Variants in NCAPG2 observed in about 807,000 individuals in gnomAD.
NCAPG2 encodes the protein condensin-2 complex subunit G2.
In NCAPG2, 53 loss-of-function variants were observed where a neutral mutation model predicts 141.1. The observed-to-expected ratio is 0.38, with a 90% CI of 0.30 to 0.47. NCAPG2 has a LOEUF of 0.47. NCAPG2 is among the 20% of genes least tolerant of loss of function. NCAPG2 has a pLI of 0.99. For synonymous variants in NCAPG2, 499 were observed against 490.7 expected, an observed-to-expected ratio of 1.02 and a Z score of -0.22; for missense variants, 1,087 against 1,389.0, an observed-to-expected ratio of 0.78 and a Z score of 3.46.
intron 1 of NCAPG2, among the ~76,000 whole-genome samples, chr7:158,703,416 A>T (rs948727235): frequency 2.6e-5 from 4 of 152,168 alleles, no homozygotes; most frequent in African/African-American, 9.7e-5. Context: ...TCTATTTCCA[A>T]GTGTACCTCT....
At chr7:158,701,117 T>C (rs1835755486) in intron 2 of NCAPG2, among the ~76,000 whole-genome samples, 1 of 152,242 alleles carries the variant, frequency 6.6e-6, no homozygotes, top group Admixed American at 6.5e-5. Context: ...ATGAGCTTGC[T>C]GAATGGTACT....
At chr7:158,672,480 C>T (rs1833801766) in intron 12 of NCAPG2, among the ~76,000 whole-genome samples, 1 of 150,394 alleles carries the variant, frequency 6.6e-6, no homozygotes, top group African/African-American at 2.4e-5. Context: ...GTAGCTGAGA[C>T]TACAGGCGCC....
intron 23 of NCAPG2, among the ~76,000 whole-genome samples, chr7:158,651,545 C>G (rs1226399771): frequency 6.6e-6 from 1 of 152,088 alleles, no homozygotes; most frequent in Admixed American, 6.6e-5. Context: ...TTTTTAAAGT[C>G]TTCATTAAAA....
intron 16 of NCAPG2, among the ~76,000 whole-genome samples, chr7:158,660,319 C>A (rs989635690): frequency 6.6e-6 from 1 of 151,806 alleles, no homozygotes; most frequent in African/African-American, 2.4e-5. Flanking sequence ...TGTCCGCCAA[C>A]CTACCTGGTG....
rs377058814 is a variant in NCAPG2, at chr7:158,646,452, G to C, written c.3179+8C>G. The C allele has an allele frequency of 1.1e-5, 17 of 1,586,722 alleles. No individual in the cohort carries two copies. The highest frequency in any genetic ancestry group is 1.4e-5 in the Non-Finnish European group (16 of 1,162,022). On this transcript the variant is annotated splice_region_variant and intron_variant, in intron 25 of 27. Coordinates refer to ENST00000356309, the MANE Select transcript of NCAPG2 (RefSeq NM_017760.7). ...AGCATTTCAGGACAGTAAAGAGAAA[G>C]TGATTACCTGACCACATTCGAAGAC...
intron 22 of NCAPG2, among the ~76,000 whole-genome samples, chr7:158,653,010 T>A (rs1769497946): frequency 6.6e-6 from 1 of 152,212 alleles, no homozygotes; most frequent in South Asian, 2.1e-4. Context: ...AAATAAATAA[T>A]TTTGACTGTT....
intron 7 of NCAPG2, 34 bp downstream of exon 7, chr7:158,687,314 A>G: frequency 3.4e-6 from 5 of 1,475,718 alleles, no homozygotes; most frequent in Non-Finnish European, 4.7e-6. Flanking sequence ...CCAGATTAAG[A>G]CAGCACAAAA....
At position 158,646,441 on chromosome 7, in the gene NCAPG2, G is replaced by A; in HGVS notation, c.3179+19C>T. ...CAGCCACGATGAGCATTTCAGGACA[G>A]TAAAGAGAAAGTGATTACCTGACCA... On this transcript the variant is annotated intron_variant, in intron 25 of 27. Coordinates refer to ENST00000356309, the MANE Select transcript of NCAPG2 (RefSeq NM_017760.7). The A allele has an allele frequency of 6.4e-7, 1 of 1,566,010 alleles. No homozygotes were observed. Among genetic ancestry groups the A allele is most frequent in the Non-Finnish European group, 8.7e-7 (1 of 1,144,322 alleles).
rs116587229 is a variant in NCAPG2, at chr7:158,643,756, C to T, written c.3380+533G>A. ...TCTAAAAGTCAAACACAATTCAAAA[C>T]CGAGTCTATAGTAAAATGCAGAGCA... On this transcript the variant is annotated intron_variant, in intron 27 of 27. Transcript: ENST00000356309. 6.1e-3 allele frequency among the ~76,000 whole-genome samples: 926 copies of T among 152,284 alleles called. 9 individuals carry two copies. Among genetic ancestry groups the T allele is most frequent in the African/African-American group, 0.017 (687 of 41,554 alleles).
At chr7:158,676,042 G>GT (rs1210107879) in intron 11 of NCAPG2, among the ~76,000 whole-genome samples, 1 of 152,136 alleles carries the variant, frequency 6.6e-6, no homozygotes, top group Non-Finnish European at 1.5e-5. Context: ...AATTCTACTT[G>GT]TAATGAACTA....
intron 26 of NCAPG2, among the ~76,000 whole-genome samples, chr7:158,645,147 A>T (rs962303547): frequency 2.6e-5 from 4 of 152,238 alleles, no homozygotes; most frequent in Non-Finnish European, 5.9e-5. Context: ...TAACACCAAA[A>T]TATCCGTCAT....
At chr7:158,653,497 A>AATTAAAGAT (rs1027971933) in intron 22 of NCAPG2, among the ~76,000 whole-genome samples, 3 of 152,322 alleles carry the variant, frequency 2.0e-5, no homozygotes, top group South Asian at 2.1e-4. Flanking sequence ...TTTTGCTTAT[A>AATTAAAGAT]ATTAAAGATT....
chr7:158,643,860 G>A (rs1015130716), intron 27 of NCAPG2, among the ~76,000 whole-genome samples: 2 of 152,200 alleles, frequency 1.3e-5, no homozygotes, highest in African/African-American at 2.4e-5. Context: ...CAGGCTGTGC[G>A]TAGCAATGGG....
At chr7:158,662,080 T>C in intron 16 of NCAPG2, 114 bp downstream of exon 16, 1 of 1,039,324 alleles carries the variant, frequency 9.6e-7, no homozygotes, top group South Asian at 2.0e-5. Flanking sequence ...AACCCTCTCA[T>C]TTTACAGATG....
intron 11 of NCAPG2, among the ~76,000 whole-genome samples, chr7:158,678,692 A>ATTAT (rs960558358): frequency 4.8e-5 from 7 of 146,360 alleles, no homozygotes; most frequent in Non-Finnish European, 7.4e-5. Flanking sequence ...TGTCTCTAAA[A>ATTAT]TAAAATAAAA....
Position 158,671,594 on chromosome 7 carries a change from T to C in NCAPG2, c.1399A>G (p.Ser467Gly). ...ACTTTCTCCGAATTGTCGTGGAGAC[T>C]GTATCTGAGAGCTGGAAGGAGCTGC... ...LEQLLPALRY[S>G]LHDNSEKVRV... is the part of the protein sequence containing the mutation. Residue 467 changes from serine (S) to glycine (G), a missense_variant, in exon 13 of 28, where the codon AGT becomes GGT. Ser to Gly is a moderately conservative substitution (Grantham distance 56, BLOSUM62 0). Coordinates refer to ENST00000356309, the MANE Select transcript of NCAPG2 (RefSeq NM_017760.7). 1.2e-6 allele frequency: 2 copies of C among 1,614,180 alleles called. No individual in the cohort carries two copies. Among genetic ancestry groups the C allele is most frequent in the African/African-American group, 1.3e-5 (1 of 75,052 alleles).
intron 24 of NCAPG2, among the ~76,000 whole-genome samples, chr7:158,646,901 T>C (rs1587084366): frequency 6.6e-6 from 1 of 151,918 alleles, no homozygotes; most frequent in African/African-American, 2.4e-5. Context: ...TGGTGGTGCA[T>C]ACCTGTAGTC....
chr7:158,664,689 A>G lies in NCAPG2; in HGVS notation c.1541T>C (p.Val514Ala), dbSNP rs1343265535. The G allele has an allele frequency of 1.2e-6, 2 of 1,614,072 alleles. No individual in the cohort carries two copies. The highest frequency in any genetic ancestry group is 1.7e-6 in the Non-Finnish European group (2 of 1,180,046). ...LVRLETDSRP[V>A]SRRLVSLIFN... ...GATGAGGCTCACCAGGCGCCGAGACACAGGTCGAGAATCAGTTTCCAGACG... is the reference window on the plus strand; with the variant it reads ...GATGAGGCTCACCAGGCGCCGAGACGCAGGTCGAGAATCAGTTTCCAGACG... The change falls in exon 14 of 28, where the codon GTG becomes GCG. Residue 514 changes from valine to alanine, a missense_variant. By Grantham distance (64) the Val-to-Ala change is moderately conservative. Transcript: ENST00000356309.
At chr7:158,649,684 T>A (rs1361956523) in intron 24 of NCAPG2, among the ~76,000 whole-genome samples, 2 of 152,258 alleles carry the variant, frequency 1.3e-5, no homozygotes, top group African/African-American at 4.8e-5. Flanking sequence ...TTAGTTAACA[T>A]CTTTTTATTA....
Sources: allele counts gnomAD v4.1 joint callset (sites outside exome capture counted in the v4.1 genomes callset), GRCh38; gene constraint gnomAD v4.1.1; transcripts MANE v1.5; gene names NCBI Gene and HGNC (gene_info 2026-07-23, HGNC 2026-07-21).